SGK1: variants seen among roughly 807,000 people sequenced by gnomAD.
SGK1 encodes serine/threonine-protein kinase Sgk1.
Under a neutral mutation model 64.2 loss-of-function variants are expected in SGK1, and 26 were observed. The ratio of observed to expected loss-of-function variants is 0.40; its 90% CI spans 0.30 to 0.56. The LOEUF (loss-of-function observed/expected upper bound fraction) is 0.56. SGK1 is among the 20% of genes least tolerant of loss of function. The pLI, the probability that SGK1 is intolerant of heterozygous loss-of-function variation, is 0.38. For missense variants in SGK1, 519 were observed against 645.6 expected, an observed-to-expected ratio of 0.80 and a Z score of 2.12; for synonymous variants, 265 against 239.7, an observed-to-expected ratio of 1.11 and a Z score of -0.98.
chr6:134,256,172 T>G (rs187029102), intron 2 of SGK1, among the ~76,000 whole-genome samples: 2 of 152,222 alleles, frequency 1.3e-5, no homozygotes, highest in Admixed American at 1.3e-4. Context: ...CATTATTATT[T>G]TCCAAATTGC....
intron 2 of SGK1, among the ~76,000 whole-genome samples, chr6:134,232,451 G>GAA (rs1161912744): frequency 2.2e-4 from 8 of 37,158 alleles, no homozygotes; most frequent in Non-Finnish European, 3.6e-4. Context: ...AAGAAAGAAA[G>GAA]AAAGAAAGAA....
At chr6:134,189,747 C>T (rs1194263775) in intron 3 of SGK1, among the ~76,000 whole-genome samples, 1 of 152,162 alleles carries the variant, frequency 6.6e-6, no homozygotes, top group African/African-American at 2.4e-5. Context: ...GACATAAATC[C>T]AGTTTAGCAA....
intron 2 of SGK1, among the ~76,000 whole-genome samples, chr6:134,229,705 A>G (rs1260622368): frequency 1.3e-5 from 2 of 152,202 alleles, no homozygotes; most frequent in African/African-American, 4.8e-5. Context: ...GAAAATGCGC[A>G]TGCATATACA....
intron 1 of SGK1, among the ~76,000 whole-genome samples, chr6:134,309,605 CT>C (rs11330045): frequency 0.13 from 20,119 of 152,140 alleles, 1,690 homozygotes; most frequent in African/African-American, 0.23. Context: ...GGATGTGGAT[CT>C]CTATAGAGAC....
At chr6:134,235,869 C>A (rs1776357423) in intron 2 of SGK1, among the ~76,000 whole-genome samples, 1 of 152,052 alleles carries the variant, frequency 6.6e-6, no homozygotes, top group South Asian at 2.1e-4. Flanking sequence ...GCCGCCGCAC[C>A]TGGCCATAGA....
At chr6:134,178,013 A>G (rs1775275351) in intron 3 of SGK1, 1 of 582,894 alleles carries the variant, frequency 1.7e-6, no homozygotes, top group Non-Finnish European at 3.0e-6. Context: ...CACGCACACA[A>G]GAAATGTAAC....
intron 2 of SGK1, among the ~76,000 whole-genome samples, chr6:134,216,069 T>C (rs1201303542): frequency 1.3e-5 from 2 of 150,614 alleles, no homozygotes; most frequent in African/African-American, 4.8e-5. Context: ...CACGTATGCA[T>C]AAATTTTTTA....
chr6:134,314,552 T>A (rs1419215351), intron 1 of SGK1, among the ~76,000 whole-genome samples: 2 of 152,228 alleles, frequency 1.3e-5, no homozygotes, highest in Admixed American at 6.5e-5. Flanking sequence ...TTTAATAATG[T>A]TTCTTACCTT....
intron 2 of SGK1, among the ~76,000 whole-genome samples, chr6:134,237,963 C>A (rs1349455934): frequency 2.0e-5 from 3 of 152,032 alleles, no homozygotes; most frequent in African/African-American, 7.2e-5. Context: ...AAATTTTATA[C>A]CAGAAAAAGT....
chr6:134,257,253 C>A (rs200083829), intron 2 of SGK1: 1 of 152,262 alleles, frequency 6.6e-6, no homozygotes, highest in South Asian at 2.1e-4. Context: ...ATGGAGAAAC[C>A]CTGTCCAGGC....
intron 2 of SGK1, among the ~76,000 whole-genome samples, chr6:134,258,366 C>T (rs1776714762): frequency 6.6e-6 from 1 of 152,070 alleles, no homozygotes; most frequent in Non-Finnish European, 1.5e-5. Flanking sequence ...AGGCATGAGC[C>T]ACTGTGCCCT....
intron 2 of SGK1, among the ~76,000 whole-genome samples, chr6:134,224,916 G>T (rs1776145692): frequency 6.7e-6 from 1 of 149,818 alleles, no homozygotes; most frequent in African/African-American, 2.5e-5. Flanking sequence ...AGCCACTTGG[G>T]GACTGAGGCA....
At chr6:134,175,490 A>G in intron 3 of SGK1, 1 of 1,374,752 alleles carries the variant, frequency 7.3e-7, no homozygotes, top group Non-Finnish European at 9.5e-7. Context: ...CCTGCCTCCA[A>G]GCCGCTCTGG....
intron 3 of SGK1, among the ~76,000 whole-genome samples, chr6:134,175,180 T>G (rs532332195): frequency 1.3e-5 from 2 of 152,096 alleles, no homozygotes; most frequent in African/African-American, 2.4e-5. Flanking sequence ...GGGGTAGTTT[T>G]CCACCTCTCT....
chr6:134,305,918 G>GC (rs1777528475), intron 1 of SGK1, among the ~76,000 whole-genome samples: 1 of 152,030 alleles, frequency 6.6e-6, no homozygotes, highest in African/African-American at 2.4e-5. Context: ...TAGACCTTAG[G>GC]CATTTCACCA....
At chr6:134,296,190 G>A (rs1169029613) in intron 1 of SGK1, among the ~76,000 whole-genome samples, 1 of 152,214 alleles carries the variant, frequency 6.6e-6, no homozygotes, top group Non-Finnish European at 1.5e-5. Flanking sequence ...GGCAAAGCAA[G>A]GCTAAGGACA....
intron 2 of SGK1, among the ~76,000 whole-genome samples, chr6:134,255,641 G>T (rs938237262): frequency 6.9e-6 from 1 of 144,556 alleles, no homozygotes; most frequent in African/African-American, 2.6e-5. Flanking sequence ...GAGTACAATG[G>T]CATGATCCTG....
intron 2 of SGK1, among the ~76,000 whole-genome samples, chr6:134,256,561 A>C (rs748163175): frequency 6.6e-6 from 1 of 152,200 alleles, no homozygotes; most frequent in Non-Finnish European, 1.5e-5. Context: ...CGTGGGAGAT[A>C]CAATACAGAG....
chr6:134,278,943 G>C (rs1411865605), intron 1 of SGK1, among the ~76,000 whole-genome samples: 1 of 152,020 alleles, frequency 6.6e-6, no homozygotes, highest in Non-Finnish European at 1.5e-5. Context: ...CTGTTAACAT[G>C]AATCTGTGTA....
Sources: gnomAD v4.1 joint callset for allele counts (sites outside exome capture counted in the v4.1 genomes callset) on GRCh38, gnomAD v4.1.1 for gene constraint, MANE v1.5 for transcripts, NCBI Gene and HGNC (gene_info 2026-07-23, HGNC 2026-07-21) for gene names.